SGCZ: variants seen among roughly 807,000 people sequenced by gnomAD.
The protein encoded by SGCZ is zeta-sarcoglycan.
SGCZ carries 40 observed loss-of-function variants against 41.3 expected under a neutral mutation model. The observed-to-expected ratio is 0.97, with a 90% confidence interval of 0.75 to 1.26. SGCZ has a LOEUF of 1.26. Among genes scored for constraint, SGCZ ranks in the 50% most tolerant of loss-of-function variants. The pLI is 0.00. For missense variants in SGCZ, 552 were observed against 369.8 expected (o/e 1.49, Z -4.04); for synonymous variants, 206 against 137.5 (o/e 1.50, Z -3.49).
intron 1 of SGCZ, among the ~76,000 whole-genome samples, chr8:14,972,538 C>T (rs1445101232): frequency 2.6e-5 from 4 of 152,074 alleles, no homozygotes; most frequent in Non-Finnish European, 5.9e-5. Flanking sequence ...TTAAATCTAT[C>T]ATCTTGTTGT....
At chr8:14,479,745 T>TTTTTTTTTTTTTTTTTTTTTTTTTTTTTC (rs1801477073) in intron 2 of SGCZ, among the ~76,000 whole-genome samples, 1 of 102,022 alleles carries the variant, frequency 9.8e-6, no homozygotes, top group African/African-American at 3.6e-5. Flanking sequence ...TTTTTTTTTT[T>TTTTTTTTTTTTTTTTTTTTTTTTTTTTTC]TTTTTTTTTT....
Position 14,251,234 on chromosome 8 carries a change from A to T in SGCZ, c.337-13555T>A, listed in dbSNP as rs1275450388. ...CAGAGCGAGACTCTATCTCAAAAAAAATGAAAACAAATACAAACAAAAACG... is the reference window on the plus strand; with the variant it reads ...CAGAGCGAGACTCTATCTCAAAAAATATGAAAACAAATACAAACAAAAACG... On this transcript the variant is annotated intron_variant, in intron 3 of 7. Transcript: ENST00000382080. Among the ~76,000 whole-genome samples, 7 of 152,186 alleles carry T rather than the reference A, an allele frequency of 4.6e-5. No individual in the cohort carries two copies. The East Asian group carries it at 1.2e-3, about 25-fold the overall frequency.
At chr8:14,702,962 T>TAGAC (rs1231091434) in intron 1 of SGCZ, among the ~76,000 whole-genome samples, 34 of 138,636 alleles carry the variant, frequency 2.5e-4, no homozygotes, top group Admixed American at 2.4e-3. Flanking sequence ...GATAGATAGA[T>TAGAC]AGATAGATAG....
intron 1 of SGCZ, among the ~76,000 whole-genome samples, chr8:14,974,792 G>C (rs559337127): frequency 1.3e-5 from 2 of 150,898 alleles, no homozygotes; most frequent in African/African-American, 4.9e-5. Flanking sequence ...CAAAGTACTT[G>C]GAAACAAAAT....
intron 1 of SGCZ, among the ~76,000 whole-genome samples, chr8:14,605,452 A>G (rs1347928980): frequency 6.6e-6 from 1 of 152,140 alleles, no homozygotes; most frequent in Non-Finnish European, 1.5e-5. Context: ...GTGCATTTAA[A>G]TTAGTATTGA....
intron 1 of SGCZ, among the ~76,000 whole-genome samples, chr8:14,560,474 G>C (rs1039473998): frequency 2.6e-5 from 4 of 152,030 alleles, no homozygotes; most frequent in African/African-American, 9.7e-5. Flanking sequence ...AGGAGCATAG[G>C]AGAAAGCTGA....
At chr8:14,440,816 C>CGTAT (rs1800237103) in intron 2 of SGCZ, among the ~76,000 whole-genome samples, 1 of 143,476 alleles carries the variant, frequency 7.0e-6, no homozygotes, top group African/African-American at 2.9e-5. Context: ...TGTGTATACA[C>CGTAT]ATGCATATAT....
chr8:14,353,559 T>C (rs1395924403), intron 2 of SGCZ, among the ~76,000 whole-genome samples: 3 of 152,144 alleles, frequency 2.0e-5, no homozygotes, highest in Non-Finnish European at 4.4e-5. Context: ...GGATAGGTAC[T>C]AATGTCCCAA....
intron 1 of SGCZ, among the ~76,000 whole-genome samples, chr8:15,119,358 T>C (rs138427028): frequency 1.6e-3 from 250 of 151,956 alleles, no homozygotes; most frequent in African/African-American, 5.7e-3. Flanking sequence ...TGGTGAAACC[T>C]GTCTCTACAG....
chr8:14,887,045 G>A (rs1004033235), intron 1 of SGCZ, among the ~76,000 whole-genome samples: 2 of 152,110 alleles, frequency 1.3e-5, no homozygotes, highest in Non-Finnish European at 2.9e-5. Flanking sequence ...CATTTAGTGA[G>A]ATGGGGCAGA....
intron 2 of SGCZ, among the ~76,000 whole-genome samples, chr8:14,484,091 C>A (rs1216115906): frequency 2.6e-5 from 4 of 152,168 alleles, no homozygotes; most frequent in African/African-American, 9.7e-5. Flanking sequence ...CCTGAAGTTT[C>A]TCTAAAGATT....
intron 1 of SGCZ, among the ~76,000 whole-genome samples, chr8:14,980,432 A>G (rs1481719070): frequency 2.6e-5 from 4 of 152,200 alleles, no homozygotes; most frequent in Non-Finnish European, 5.9e-5. Flanking sequence ...GTCTTCATTG[A>G]TATAGAAATA....
chr8:14,885,363 C>A (rs1350738383), intron 1 of SGCZ, among the ~76,000 whole-genome samples: 1 of 152,106 alleles, frequency 6.6e-6, no homozygotes, highest in Non-Finnish European at 1.5e-5. Flanking sequence ...TTTGTTATGC[C>A]TAGGGACTAA....
chr8:14,858,806 C>T (rs144433565), intron 1 of SGCZ, among the ~76,000 whole-genome samples: 5 of 152,082 alleles, frequency 3.3e-5, no homozygotes, highest in South Asian at 2.1e-4. Context: ...TCAAAATGTC[C>T]GCTTTGTTAA....
At chr8:14,709,774 G>A (rs939149884) in intron 1 of SGCZ, among the ~76,000 whole-genome samples, 1 of 152,094 alleles carries the variant, frequency 6.6e-6, no homozygotes, top group African/African-American at 2.4e-5. Flanking sequence ...TGCAAGAGGA[G>A]TATATGGGGC....
chr8:14,343,031 G>A (rs75063980), intron 2 of SGCZ, among the ~76,000 whole-genome samples: 6,799 of 152,242 alleles, frequency 0.045, 502 homozygotes, highest in African/African-American at 0.15. Context: ...AGCTTGGGCT[G>A]TGACTTCAGA....
chr8:14,172,615 G>A (rs1804420924), intron 4 of SGCZ, among the ~76,000 whole-genome samples: 1 of 152,098 alleles, frequency 6.6e-6, no homozygotes, highest in African/African-American at 2.4e-5. Context: ...AAAGACAACA[G>A]GATGGTGATC....
chr8:14,182,064 T>C (rs1804746219), intron 4 of SGCZ, among the ~76,000 whole-genome samples: 2 of 152,348 alleles, frequency 1.3e-5, no homozygotes, highest in South Asian at 2.1e-4. Flanking sequence ...CATGCTGCTA[T>C]GTATACTGTA....
intron 6 of SGCZ, among the ~76,000 whole-genome samples, chr8:14,107,537 C>G (rs1350155612): frequency 2.0e-5 from 3 of 152,182 alleles, no homozygotes; most frequent in Non-Finnish European, 2.9e-5. Flanking sequence ...TCATTTATAG[C>G]TTTCTCAGCG....
Sources: gnomAD v4.1 joint callset for allele counts (sites outside exome capture counted in the v4.1 genomes callset) on GRCh38, gnomAD v4.1.1 for gene constraint, MANE v1.5 for transcripts, NCBI Gene and HGNC (gene_info 2026-07-23, HGNC 2026-07-21) for gene names.